The following COL11A1 variants were observed in gnomAD, a reference collection of about 807,000 sequenced individuals.
COL11A1 encodes the protein collagen type XI alpha 1 chain.
A neutral mutation model predicts 265.2 loss-of-function variants in COL11A1; 74 were observed. The ratio of observed to expected loss-of-function variants is 0.28; its 90% CI spans 0.23 to 0.34. The LOEUF (loss-of-function observed/expected upper bound fraction) is 0.34. Among genes scored for constraint, COL11A1 ranks in the 10% least tolerant of loss-of-function variants. COL11A1 has a pLI of 1.00. For synonymous variants in COL11A1, 816 were observed against 727.6 expected (o/e 1.12, Z -1.96); for missense variants, 2,165 against 2,263.6 (o/e 0.96, Z 0.88).
At chr1:102,908,689 G>C (rs1411696841) in intron 54 of COL11A1, among the ~76,000 whole-genome samples, 2 of 151,748 alleles carry the variant, frequency 1.3e-5, no homozygotes, top group Non-Finnish European at 2.9e-5. Flanking sequence ...TATACCCTTA[G>C]GTATTTTCTG....
chr1:102,969,818 T>C (rs773209673), intron 37 of COL11A1, among the ~76,000 whole-genome samples: 5 of 152,176 alleles, frequency 3.3e-5, no homozygotes, highest in Non-Finnish European at 7.3e-5. Flanking sequence ...TGTGGTATTA[T>C]GATCATGGCT....
chr1:102,887,073 G>A lies in COL11A1; in HGVS notation c.4609-17C>T, dbSNP rs746549965. On this transcript the variant is annotated splice_polypyrimidine_tract_variant and intron_variant, in intron 62 of 66. Transcript: ENST00000370096. ...AGGTGGACCCTGTAAAGAAGATAAT[G>A]TGAGTGCAATTGTTTCATAAAGTGG... 6 of 1,613,388 alleles carry A rather than the reference G, an allele frequency of 3.7e-6. No homozygotes were observed. Among genetic ancestry groups the A allele is most frequent in the East Asian group, 2.2e-5 (1 of 44,856 alleles).
At chr1:103,001,561 C>T (rs561237851) in intron 24 of COL11A1, 2 of 457,144 alleles carry the variant, frequency 4.4e-6, no homozygotes, top group East Asian at 3.2e-5. Flanking sequence ...TTCATCATGT[C>T]TTCCTACAAA....
intron 4 of COL11A1, among the ~76,000 whole-genome samples, chr1:103,062,639 C>A (rs1038896706): frequency 2.0e-5 from 3 of 151,920 alleles, no homozygotes; most frequent in Non-Finnish European, 2.9e-5. Context: ...GATTTTAAAA[C>A]ATGTTCTGAA....
In COL11A1 at chr1:102,983,806, T is replaced by C. The variant is rs150296583; in HGVS notation, c.2556+332A>G. Among the ~76,000 whole-genome samples, 1,712 of 152,026 alleles carry C rather than the reference T, an allele frequency of 0.011. 31 individuals are homozygous for C. Among genetic ancestry groups the C allele is most frequent in the African/African-American group, 0.039 (1,602 of 41,452 alleles). ...CAAGTGGTAATTTAAACCCTTAGGA[T>C]AATAGAAAGGAAATCAAAAGCCGTT... On this transcript the variant is annotated intron_variant, in intron 31 of 66. Transcript: ENST00000370096.
chr1:103,018,931 A>AGGTT, intron 9 of COL11A1, 72 bp from the exon 10 acceptor site: 1 of 1,145,992 alleles, frequency 8.7e-7, no homozygotes, highest in Non-Finnish European at 1.3e-6. Flanking sequence ...TGAATATAAG[A>AGGTT]GAACACTATA....
chr1:102,895,846 A>C (rs1346148708), intron 57 of COL11A1, among the ~76,000 whole-genome samples: 2 of 150,422 alleles, frequency 1.3e-5, no homozygotes, highest in Non-Finnish European at 3.0e-5. Context: ...TAACACTCTA[A>C]CTTTTCTAAG....
intron 24 of COL11A1, 132 bp downstream of exon 24, chr1:103,001,793 C>T: frequency 1.3e-6 from 1 of 784,220 alleles, no homozygotes; most frequent in Non-Finnish European, 2.3e-6. Flanking sequence ...TCCATGTCGA[C>T]TCCAGATTAA....
At chr1:102,953,508 G>A (rs531267962) in intron 41 of COL11A1, among the ~76,000 whole-genome samples, 1 of 152,066 alleles carries the variant, frequency 6.6e-6, no homozygotes, top group Admixed American at 6.5e-5. Flanking sequence ...TCATAATAGA[G>A]ACAGAAATAG....
intron 54 of COL11A1, among the ~76,000 whole-genome samples, chr1:102,900,364 T>C (rs139674137): frequency 1.3e-5 from 2 of 152,270 alleles, no homozygotes; most frequent in African/African-American, 2.4e-5. Flanking sequence ...ATTTGTTCTA[T>C]TGTTAAAATG....
rs1015541014 is a variant in COL11A1 at position 103,004,292 on chromosome 1, C to A, written c.1944+152G>T. On this transcript the variant is annotated intron_variant, in intron 20 of 66. Coordinates refer to ENST00000370096, the MANE Select transcript of COL11A1 (RefSeq NM_001854.4). ...TGTAACAAAAGGAGCTCTATATATC[C>A]TTTTTAATTTTTTTCGCATGGCAAT... is the stretch of plus-strand genomic sequence containing the variant. 6 of 623,310 alleles carry A rather than the reference C, an allele frequency of 9.6e-6. No homozygotes were observed. The African/African-American group carries it at 1.1e-4, about 12-fold the overall frequency. 38.6% of individuals were successfully genotyped at this position (623,310 alleles called of 1,614,324 possible). A position where few individuals can be genotyped will look rare whatever the true frequency, so the allele number is the denominator to read the frequency against.
rs1650268087 is a variant in COL11A1 at position 102,881,740 on chromosome 1, T to A, written c.4997A>T (p.Glu1666Val). Residue 1666 changes from glutamate (E) to valine (V), a missense_variant, in exon 65 of 67, where the codon GAG (glutamate) becomes GTG (valine). Transcript: ENST00000370096. ...EGVRISSWPK[E>V]KPGSWFSEFK... is the part of the protein sequence containing the mutation. ...TTCACTAAACCAACTTCCTGGTTTC[T>A]CCTTTGGCCATGATGAAATTCTTAC... is the stretch of plus-strand genomic sequence containing the variant. The A allele has an allele frequency of 6.2e-7, 1 of 1,612,582 alleles. No homozygotes were observed. Among genetic ancestry groups the A allele is most frequent in the Non-Finnish European group, 8.5e-7 (1 of 1,179,152 alleles).
At chr1:102,916,224 T>A (rs9434362) in intron 49 of COL11A1, among the ~76,000 whole-genome samples, 12,222 of 152,182 alleles carry the variant, frequency 0.08, 1,070 homozygotes, top group African/African-American at 0.21. Context: ...TTAATTAAAA[T>A]TGCTCCATTT....
At chr1:103,038,975 C>T (rs1179630382) in intron 4 of COL11A1, among the ~76,000 whole-genome samples, 2 of 152,094 alleles carry the variant, frequency 1.3e-5, no homozygotes, top group Non-Finnish European at 2.9e-5. Flanking sequence ...AGCAATTCTG[C>T]AGTTTCTCAA....
intron 4 of COL11A1, among the ~76,000 whole-genome samples, chr1:103,061,816 T>A (rs1670698867): frequency 6.6e-6 from 1 of 151,716 alleles, no homozygotes; most frequent in Admixed American, 6.6e-5. Context: ...AAATCTGAAA[T>A]AAACAGAACA....
rs1651311692 is a variant in COL11A1, at chr1:102,888,553, T to C, written c.4608+24A>G. 4 of 1,604,368 alleles carry C rather than the reference T, an allele frequency of 2.5e-6. No individual in the cohort carries two copies. In the Admixed American group the frequency reaches 5.0e-5, roughly 20 times the overall value. On this transcript the variant is annotated intron_variant, in intron 62 of 66. Coordinates refer to ENST00000370096, the MANE Select transcript of COL11A1 (RefSeq NM_001854.4). The stretch of plus-strand genomic sequence containing the variant: ...CTTCCAGATGCAAACTGTCAGAACA[T>C]CACTCTTGTTAACATATACTTACTG...
chr1:102,970,940 G>A lies in COL11A1; in HGVS notation c.2809-668C>T, dbSNP rs376575726. The stretch of plus-strand genomic sequence containing the variant: ...GAGGCAGGGGAATCCCTTGAACCTG[G>A]GAGGCGGAGGTTGCAGTGAGCTGAG... On this transcript the variant is annotated intron_variant, in intron 36 of 66. Coordinates refer to ENST00000370096, the MANE Select transcript of COL11A1 (RefSeq NM_001854.4). 1.1e-4 allele frequency among the ~76,000 whole-genome samples: 16 copies of A among 152,182 alleles called. No individual in the cohort carries two copies. In the East Asian group the frequency reaches 2.9e-3, roughly 28 times the overall value.
chr1:102,962,074 TTA>T, intron 40 of COL11A1, 100 bp downstream of exon 40: 1 of 1,069,254 alleles, frequency 9.4e-7, no homozygotes, highest in South Asian at 1.3e-5. Context: ...ATATATATGT[TTA>T]TATATCTTCC....
At chr1:102,897,412 A>C (rs1652564481) in intron 57 of COL11A1, among the ~76,000 whole-genome samples, 2 of 151,374 alleles carry the variant, frequency 1.3e-5, no homozygotes, top group African/African-American at 2.4e-5. Context: ...CTGGATAATG[A>C]CACTCAAAAA....
Sources: gnomAD v4.1 joint callset for allele counts (sites outside exome capture counted in the v4.1 genomes callset) on GRCh38, gnomAD v4.1.1 for gene constraint, MANE v1.5 for transcripts, NCBI Gene and HGNC (gene_info 2026-07-23, HGNC 2026-07-21) for gene names.